The following COL6A5 variants were observed in gnomAD, a reference collection of about 807,000 sequenced individuals.
The protein encoded by COL6A5 is collagen type VI alpha 5 chain, also known as collagen alpha-5(VI) chain.
In COL6A5, 48 loss-of-function variants were observed where a neutral mutation model predicts 65.6. The ratio of observed to expected loss-of-function variants is 0.73; its 90% CI spans 0.58 to 0.93. The LOEUF (loss-of-function observed/expected upper bound fraction) is 0.93. Ranked by LOEUF, COL6A5 falls within the 40% of genes least tolerant of loss-of-function variation. The probability of loss-of-function intolerance (pLI) is 0.00; values close to 1 mark genes in which losing one functional copy is unlikely to be tolerated. For missense variants in COL6A5, 914 were observed against 928.3 expected (o/e 0.98, Z 0.20); for synonymous variants, 291 against 322.8 (o/e 0.90, Z 1.05).
chr3:130,413,916 G>A (rs1937260377), intron 21 of COL6A5, among the ~76,000 whole-genome samples, 153 bp from the exon 22 acceptor site: 1 of 151,806 alleles, frequency 6.6e-6, no homozygotes, highest in Non-Finnish European at 1.5e-5. Flanking sequence ...TCATTCCTTA[G>A]ACAGTCTAGA....
In COL6A5 at chr3:130,398,125, G is replaced by GTTTTTTTTTTTTTTT; in HGVS notation, c.3991+16_3991+17insTTTTTTTTTTTTTTT. On this transcript the variant is annotated intron_variant and NMD_transcript_variant, in intron 10 of 41. Transcript: ENST00000312481. ...TCAGAGAAGCAGGTATTGAGTTGTT[G>GTTTTTTTTTTTTTTT]TTGTTTTTTTTTTTTTTTTTTTTGA... The GTTTTTTTTTTTTTTT allele has an allele frequency of 9.4e-7, 1 of 1,061,730 alleles. No individual in the cohort carries two copies. The highest frequency in any genetic ancestry group is 1.3e-6 in the Non-Finnish European group (1 of 776,156). The allele number at this position is 1,061,730 out of a possible 1,614,324, so 65.8% of individuals were successfully genotyped here. A position where few individuals can be genotyped will look rare whatever the true frequency, so the allele number is the denominator to read the frequency against.
At chr3:130,458,305 G>A (rs150177838) in intron 5 of COL6A5, among the ~76,000 whole-genome samples, 13 of 152,174 alleles carry the variant, frequency 8.5e-5, no homozygotes, top group African/African-American at 2.6e-4. Flanking sequence ...TTCATATTTA[G>A]GAGTGTGAAT....
intron 4 of COL6A5, among the ~76,000 whole-genome samples, chr3:130,448,179 C>T (rs1463833324): frequency 1.3e-5 from 2 of 152,064 alleles, no homozygotes; most frequent in African/African-American, 4.8e-5. Flanking sequence ...AAGAAAACAC[C>T]ACTCCACTAA....
rs558236859 is a variant in COL6A5 at position 130,416,344 on chromosome 3, T to G, written c.4825-413T>G. 4.6e-5 allele frequency among the ~76,000 whole-genome samples: 7 copies of G among 152,304 alleles called. No individual in the cohort carries two copies. The South Asian group carries it at 1.5e-3, about 32-fold the overall frequency. ...TGTGTGAAAGACACGTCTGCCCATT[T>G]TTTTATTGGGAAGCTGAAACATATC... On this transcript the variant is annotated intron_variant and NMD_transcript_variant, in intron 23 of 41. Coordinates refer to the COL6A5 transcript ENST00000312481.
chr3:130,427,783 C>T (rs550053429), upstream of COL6A5, among the ~76,000 whole-genome samples: 3 of 151,844 alleles, frequency 2.0e-5, no homozygotes, highest in East Asian at 5.8e-4. Context: ...GGCCAAGGTA[C>T]AGAAAAATGG....
chr3:130,378,696 G>A (rs1244175077), intron 3 of COL6A5, among the ~76,000 whole-genome samples: 3 of 151,980 alleles, frequency 2.0e-5, no homozygotes, highest in Non-Finnish European at 2.9e-5. Context: ...TCTATCTGCC[G>A]GAATTCCTCT....
At chr3:130,374,710 T>TGG (rs1935699646) in intron 2 of COL6A5, among the ~76,000 whole-genome samples, 1 of 152,164 alleles carries the variant, frequency 6.6e-6, no homozygotes, top group Non-Finnish European at 1.5e-5. Flanking sequence ...CACCTTGGCC[T>TGG]TCCAAAGTGC....
chr3:130,472,013 T>C, intron 7 of COL6A5, 87 bp downstream of exon 40: 1 of 1,239,762 alleles, frequency 8.1e-7, no homozygotes, highest in Non-Finnish European at 1.1e-6. Context: ...TAGAATTCAC[T>C]GGGAGAGGTA....
chr3:130,420,607 T>G (rs1937497514), intron 25 of COL6A5, among the ~76,000 whole-genome samples: 2 of 152,106 alleles, frequency 1.3e-5, no homozygotes, highest in African/African-American at 4.8e-5. Context: ...TTGAACTCCA[T>G]TATGAAGTGC....
At chr3:130,365,699 CTG>C (rs1436089905) in intron 1 of COL6A5, among the ~76,000 whole-genome samples, 1 of 152,184 alleles carries the variant, frequency 6.6e-6, no homozygotes, top group African/African-American at 2.4e-5. Flanking sequence ...GACTGTACCT[CTG>C]TGTTTTCTGT....
upstream of COL6A5, among the ~76,000 whole-genome samples, chr3:130,428,852 T>C (rs565320607): frequency 2.6e-5 from 4 of 152,326 alleles, no homozygotes; most frequent in East Asian, 7.7e-4. Context: ...AGAAGGCTGG[T>C]GCGTTGCCAG....
At chr3:130,442,192 G>T (rs1029116735) in intron 3 of COL6A5, among the ~76,000 whole-genome samples, 1 of 152,036 alleles carries the variant, frequency 6.6e-6, no homozygotes, top group African/African-American at 2.4e-5. Context: ...TCCTATTAGA[G>T]CATTTTGTTT....
At chr3:130,459,385 G>A (rs1049554382) in intron 5 of COL6A5, among the ~76,000 whole-genome samples, 4 of 152,064 alleles carry the variant, frequency 2.6e-5, no homozygotes, top group African/African-American at 9.7e-5. Context: ...TAAGATAATA[G>A]AACTGGAAGG....
chr3:130,484,191 A>G, exon 8 of COL6A5: 1 of 749,508 alleles, frequency 1.3e-6, no homozygotes, highest in Non-Finnish European at 2.0e-6. Flanking sequence ...ATAGCATGCT[A>G]AATTTGTTCT....
upstream of COL6A5, among the ~76,000 whole-genome samples, chr3:130,428,799 C>T (rs1937671111): frequency 6.6e-6 from 1 of 152,196 alleles, no homozygotes; most frequent in Non-Finnish European, 1.5e-5. Context: ...GAGGTGTTCA[C>T]AAGGGTGGAT....
chr3:130,426,844 TA>T (rs1388574112), upstream of COL6A5, among the ~76,000 whole-genome samples: 9 of 151,900 alleles, frequency 5.9e-5, no homozygotes, highest in Admixed American at 1.3e-4. Flanking sequence ...TGGCAAAAAA[TA>T]GTTTCAGAAA....
At chr3:130,385,742 G>A (rs1936164747) in intron 5 of COL6A5, among the ~76,000 whole-genome samples, 1 of 151,898 alleles carries the variant, frequency 6.6e-6, no homozygotes, top group Admixed American at 6.6e-5. Flanking sequence ...TGCACAGGTG[G>A]GTACAGTGGA....
chr3:130,415,639 C>T lies in COL6A5; in HGVS notation c.4762-6C>T. 6.5e-7 allele frequency: 1 copy of T among 1,546,868 alleles called. No individual in the cohort carries two copies. Among genetic ancestry groups the T allele is most frequent in the East Asian group, 2.4e-5 (1 of 40,846 alleles). On this transcript the variant is annotated splice_polypyrimidine_tract_variant and splice_region_variant and intron_variant and NMD_transcript_variant, in intron 22 of 41. Transcript: ENST00000312481. ...TTGCATTGTATTTCCTTTGTTACCA[C>T]TAAAGGGGTCACAGGGAAATCCTGG...
chr3:130,416,386 A>G (rs1029721880), intron 23 of COL6A5, among the ~76,000 whole-genome samples: 1 of 152,164 alleles, frequency 6.6e-6, no homozygotes, highest in African/African-American at 2.4e-5. Context: ...GCCGTTATGT[A>G]TGCACATATG....
Sources: allele counts gnomAD v4.1 joint callset (sites outside exome capture counted in the v4.1 genomes callset), GRCh38; gene constraint gnomAD v4.1.1; transcripts MANE v1.5; gene names NCBI Gene and HGNC (gene_info 2026-07-23, HGNC 2026-07-21).